The following NOL4 variants were observed in gnomAD, a reference collection of about 807,000 sequenced individuals.
The protein encoded by NOL4 is nucleolar protein 4, also known as cancer/testis antigen 125.
In NOL4, 17 loss-of-function variants were observed where a neutral mutation model predicts 75.9. The ratio of observed to expected loss-of-function variants is 0.22; its 90% CI spans 0.15 to 0.34. The LOEUF (loss-of-function observed/expected upper bound fraction) is 0.34, where lower values mean the gene tolerates loss of function less well. Ranked by LOEUF, NOL4 falls within the 10% of genes least tolerant of loss-of-function variation. The probability of loss-of-function intolerance (pLI) is 1.00; values close to 1 mark genes in which losing one functional copy is unlikely to be tolerated. For synonymous variants in NOL4, 292 were observed against 289.9 expected (o/e 1.01, Z -0.07); for missense variants, 614 against 793.5 (o/e 0.77, Z 2.72).
chr18:34,102,155 G>A (rs1168799948), intron 4 of NOL4, among the ~76,000 whole-genome samples: 1 of 151,876 alleles, frequency 6.6e-6, no homozygotes, highest in African/African-American at 2.4e-5. Context: ...TCCCATGTCT[G>A]GCCTTCTTTA....
intron 5 of NOL4, among the ~76,000 whole-genome samples, chr18:34,035,759 TCAAATTAAAAAAA>T (rs1443734960): frequency 6.7e-6 from 1 of 150,086 alleles, no homozygotes; most frequent in Non-Finnish European, 1.5e-5. Context: ...GATAGAAGAC[TCAAATTAAAAAAA>T]ATCAGAAATG....
chr18:34,142,847 A>G (rs1024205365), intron 1 of NOL4, among the ~76,000 whole-genome samples: 10 of 152,136 alleles, frequency 6.6e-5, no homozygotes, highest in African/African-American at 2.4e-4. Context: ...AATAAATAAG[A>G]AATATGCAAT....
chr18:33,932,328 T>C (rs546466292), intron 9 of NOL4, among the ~76,000 whole-genome samples: 39 of 152,216 alleles, frequency 2.6e-4, no homozygotes, highest in Admixed American at 1.4e-3. Flanking sequence ...CCATGTTTTT[T>C]AGGATTAGGA....
chr18:34,224,036 C>A lies in NOL4; in HGVS notation c.-783G>T, dbSNP rs547976217. On this transcript the variant is annotated 5_prime_UTR_variant, in exon 1 of 11. Transcript: ENST00000261592. Reference sequence around the variant, plus strand: ...ATTCCAGCCCTGTATGTAGATTCTACGAGTTAAGTCCCAGAAATTAGCAAA... The same window carrying A: ...ATTCCAGCCCTGTATGTAGATTCTAAGAGTTAAGTCCCAGAAATTAGCAAA... 3 of 152,302 alleles carry A rather than the reference C, an allele frequency of 2.0e-5. 1 individual carries two copies. In the South Asian group the frequency reaches 6.2e-4, roughly 32 times the overall value. The allele number at this position is 152,302 out of a possible 1,614,324, so 9.4% of individuals were successfully genotyped here.
intron 1 of NOL4, among the ~76,000 whole-genome samples, chr18:34,190,136 T>C (rs1299418112): frequency 6.6e-6 from 1 of 151,720 alleles, no homozygotes; most frequent in Non-Finnish European, 1.5e-5. Flanking sequence ...TCCAAACGAA[T>C]TTCAACATCT....
intron 2 of NOL4, 23 bp downstream of exon 2, chr18:34,129,846 CTT>C (rs371725490): frequency 3.0e-6 from 4 of 1,350,380 alleles, no homozygotes; most frequent in Non-Finnish European, 4.0e-6. Flanking sequence ...AATGCATGCT[CTT>C]TTTTTTTTCT....
In NOL4 at chr18:34,065,851, C is replaced by G. The variant is rs1406240967; in HGVS notation, c.772+27614G>C. Among the ~76,000 whole-genome samples, 3 of 151,788 alleles carry G rather than the reference C, an allele frequency of 2.0e-5. 1 individual carries two copies. Among genetic ancestry groups the G allele is most frequent in the African/African-American group, 7.3e-5 (3 of 41,370 alleles). On this transcript the variant is annotated intron_variant, in intron 5 of 10. Coordinates refer to ENST00000261592, the MANE Select transcript of NOL4 (RefSeq NM_003787.5). ...TGATTTCTAAGAATTTTCAAAACACCTGTTTCTTTGGTTTAGTTGAGGACT... is the reference window on the plus strand; with the variant it reads ...TGATTTCTAAGAATTTTCAAAACACGTGTTTCTTTGGTTTAGTTGAGGACT...
intron 5 of NOL4, among the ~76,000 whole-genome samples, chr18:34,080,730 T>C (rs1253605692): frequency 6.6e-6 from 1 of 152,192 alleles, no homozygotes; most frequent in African/African-American, 2.4e-5. Context: ...ATGTGCTTTA[T>C]AAAGAAGTCT....
intron 1 of NOL4, among the ~76,000 whole-genome samples, chr18:34,152,075 CTT>C (rs1180058372): frequency 5.3e-5 from 8 of 151,590 alleles, no homozygotes; most frequent in Non-Finnish European, 1.0e-4. Flanking sequence ...GTATCATTAA[CTT>C]TTTTTTCAAA....
In NOL4 at chr18:34,123,532, C is replaced by CATATATAT. The variant is rs34954122; in HGVS notation, c.414+6331_414+6338dup. Among the ~76,000 whole-genome samples the CATATATAT allele has an allele frequency of 5.7e-3, 741 of 129,288 alleles. 4 individuals are homozygous for CATATATAT. Among genetic ancestry groups the CATATATAT allele is most frequent in the African/African-American group, 8.2e-3 (288 of 34,944 alleles). The allele number at this position is 129,288 out of a possible 152,430, so 84.8% of individuals were successfully genotyped here. The stretch of plus-strand genomic sequence containing the variant: ...GAGATATCATTATATATGTGATAAC[C>CATATATAT]ATATATATATATATATATATATATA... On this transcript the variant is annotated intron_variant, in intron 2 of 10. Coordinates refer to ENST00000261592, the MANE Select transcript of NOL4 (RefSeq NM_003787.5).
At chr18:34,017,541 A>G (rs62097844) in intron 6 of NOL4, among the ~76,000 whole-genome samples, 1 of 152,146 alleles carries the variant, frequency 6.6e-6, no homozygotes, top group African/African-American at 2.4e-5. Context: ...CCTGCCGTTT[A>G]TATCTCTAGA....
chr18:34,221,943 A>C, intron 1 of NOL4: 1 of 1,256,722 alleles, frequency 8.0e-7, no homozygotes, highest in Admixed American at 2.0e-5. Context: ...AGAAATGCTC[A>C]AGAAACCCCA....
At chr18:34,198,326 C>T (rs2035484140) in intron 1 of NOL4, among the ~76,000 whole-genome samples, 1 of 151,818 alleles carries the variant, frequency 6.6e-6, no homozygotes, top group Non-Finnish European at 1.5e-5. Flanking sequence ...TCCTCACCCT[C>T]CATAAAGAGA....
intron 9 of NOL4, among the ~76,000 whole-genome samples, chr18:33,911,496 A>AT: frequency 6.6e-6 from 1 of 152,250 alleles, no homozygotes; most frequent in Non-Finnish European, 1.5e-5. Context: ...TCTTCCACTT[A>AT]TTTAAAAAAG....
chr18:34,109,017 A>G (rs1371286743), intron 2 of NOL4, among the ~76,000 whole-genome samples: 1 of 152,196 alleles, frequency 6.6e-6, no homozygotes, highest in Non-Finnish European at 1.5e-5. Flanking sequence ...CTGGTATGAA[A>G]CTAGAAATCA....
rs190275001 is a variant in NOL4 at position 33,989,827 on chromosome 18, G to C, written c.1056+29491C>G. The stretch of plus-strand genomic sequence containing the variant: ...TCCTTACTGTTACTTCATTATAGCT[G>C]TGACATGATCATTATGCCCTATATA... On this transcript the variant is annotated intron_variant, in intron 6 of 10. Transcript: ENST00000261592. Among the ~76,000 whole-genome samples the C allele has an allele frequency of 5.1e-4, 78 of 152,204 alleles. No individual in the cohort carries two copies. The East Asian group carries it at 0.013, about 25-fold the overall frequency.
intron 5 of NOL4, among the ~76,000 whole-genome samples, chr18:34,045,841 C>T (rs189543157): frequency 1.5e-4 from 23 of 152,134 alleles, no homozygotes; most frequent in Admixed American, 1.2e-3. Flanking sequence ...TTTTTAAAAG[C>T]AAATACAAAA....
At chr18:33,866,581 A>G (rs926944747) in intron 10 of NOL4, among the ~76,000 whole-genome samples, 2 of 152,152 alleles carry the variant, frequency 1.3e-5, no homozygotes, top group African/African-American at 2.4e-5. Context: ...TATTCAGTAA[A>G]TGACCTTTCT....
chr18:34,015,342 A>G (rs1461975682), intron 6 of NOL4, among the ~76,000 whole-genome samples: 2 of 151,972 alleles, frequency 1.3e-5, no homozygotes, highest in Non-Finnish European at 2.9e-5. Context: ...TTCTTCTGCC[A>G]TGTGATTTGA....
Sources: gnomAD v4.1 joint callset for allele counts (sites outside exome capture counted in the v4.1 genomes callset) on GRCh38, gnomAD v4.1.1 for gene constraint, MANE v1.5 for transcripts, NCBI Gene and HGNC (gene_info 2026-07-23, HGNC 2026-07-21) for gene names.